Variants in GALNT13 observed in about 807,000 individuals in gnomAD.
GALNT13 encodes the protein polypeptide N-acetylgalactosaminyltransferase 13, also known as UDP-GalNAc:polypeptide N-acetylgalactosaminyltransferase 13.
In GALNT13, 28 loss-of-function variants were observed where a neutral mutation model predicts 64.2. The ratio of observed to expected loss-of-function variants is 0.44; its 90% CI spans 0.32 to 0.60. GALNT13 has a LOEUF of 0.60. GALNT13 is among the 20% of genes least tolerant of loss of function. The probability of loss-of-function intolerance (pLI) is 0.05; values close to 1 mark genes in which losing one functional copy is unlikely to be tolerated. For missense variants in GALNT13, 577 were observed against 669.8 expected (o/e 0.86, Z 1.53); for synonymous variants, 214 against 224.6 (o/e 0.95, Z 0.42).
At chr2:153,221,005 G>A in the GALNT13 span, among the ~76,000 whole-genome samples, 1 of 152,246 alleles carries the variant, frequency 6.6e-6, no homozygotes, top group South Asian at 2.1e-4. Flanking sequence ...TCAAGAGGAA[G>A]GAGAGGAGCA....
the GALNT13 span, among the ~76,000 whole-genome samples, chr2:153,787,951 A>C: frequency 1.3e-5 from 2 of 152,218 alleles, no homozygotes; most frequent in African/African-American, 4.8e-5. Context: ...AAAGAAGCCA[A>C]ATCTACAAAT....
intron 9 of GALNT13, among the ~76,000 whole-genome samples, chr2:154,314,719 T>G (rs1173437486): frequency 6.6e-6 from 1 of 152,134 alleles, no homozygotes; most frequent in Non-Finnish European, 1.5e-5. Flanking sequence ...GGAAACTAAT[T>G]GAGTGAGAAC....
At chr2:153,364,871 T>C in the GALNT13 span, among the ~76,000 whole-genome samples, 8 of 151,952 alleles carry the variant, frequency 5.3e-5, no homozygotes, top group African/African-American at 1.9e-4. Flanking sequence ...TCTTGAAATG[T>C]CACATAATTA....
chr2:153,800,860 T>A, the GALNT13 span, among the ~76,000 whole-genome samples: 1 of 152,182 alleles, frequency 6.6e-6, no homozygotes, highest in Admixed American at 6.6e-5. Context: ...ACAAAGCTAT[T>A]ACTTCCACAT....
the GALNT13 span, among the ~76,000 whole-genome samples, chr2:153,537,058 C>T: frequency 6.6e-6 from 1 of 152,108 alleles, no homozygotes; most frequent in Non-Finnish European, 1.5e-5. Flanking sequence ...GATTAGTAGG[C>T]TTTAGTAGAC....
chr2:154,295,976 C>T (rs892223278), intron 8 of GALNT13, among the ~76,000 whole-genome samples: 3 of 152,174 alleles, frequency 2.0e-5, no homozygotes, highest in African/African-American at 7.2e-5. Context: ...TAAAACTGTG[C>T]TCAGCTTCAG....
intron 3 of GALNT13, among the ~76,000 whole-genome samples, chr2:153,979,416 C>G (rs1246540841): frequency 6.6e-6 from 1 of 152,088 alleles, no homozygotes; most frequent in African/African-American, 2.4e-5. Context: ...ACTAAATATC[C>G]AGGAATGAAT....
At chr2:154,308,096 A>G (rs1185118684) in intron 9 of GALNT13, among the ~76,000 whole-genome samples, 1 of 152,250 alleles carries the variant, frequency 6.6e-6, no homozygotes, top group Non-Finnish European at 1.5e-5. Flanking sequence ...GAGCAGAAAC[A>G]TATTAAAATT....
At chr2:154,420,504 C>T (rs1574273874) in intron 11 of GALNT13, among the ~76,000 whole-genome samples, 1 of 152,166 alleles carries the variant, frequency 6.6e-6, no homozygotes, top group East Asian at 1.9e-4. Context: ...AGGCTATAAC[C>T]TTACTCATTA....
At chr2:153,451,365 A>T in the GALNT13 span, among the ~76,000 whole-genome samples, 3 of 152,170 alleles carry the variant, frequency 2.0e-5, no homozygotes, top group Admixed American at 1.3e-4. Flanking sequence ...GCTTAAGTCT[A>T]TTATAATTTG....
At chr2:153,629,710 A>C in the GALNT13 span, among the ~76,000 whole-genome samples, 1 of 151,750 alleles carries the variant, frequency 6.6e-6, no homozygotes, top group Admixed American at 6.6e-5. Context: ...GTGAACAGAC[A>C]ACCTACAGAA....
the GALNT13 span, among the ~76,000 whole-genome samples, chr2:153,489,025 A>T: frequency 6.6e-6 from 1 of 152,338 alleles, no homozygotes; most frequent in South Asian, 2.1e-4. Flanking sequence ...GAGAGGCAGA[A>T]AGTCAAATAC....
At chr2:154,258,613 G>A (rs1233840960) in intron 7 of GALNT13, among the ~76,000 whole-genome samples, 1 of 151,664 alleles carries the variant, frequency 6.6e-6, no homozygotes, top group South Asian at 2.1e-4. Flanking sequence ...CATGTCCACA[G>A]ATTTCTAGAG....
chr2:153,856,295 A>T, the GALNT13 span, among the ~76,000 whole-genome samples: 1 of 152,166 alleles, frequency 6.6e-6, no homozygotes, highest in Non-Finnish European at 1.5e-5. Flanking sequence ...GCAGGTAAAT[A>T]GATAGATAGT....
chr2:153,700,158 G>T, the GALNT13 span, among the ~76,000 whole-genome samples: 1 of 152,126 alleles, frequency 6.6e-6, no homozygotes, highest in Non-Finnish European at 1.5e-5. Context: ...CACCAAGTTG[G>T]CTTCATCCCT....
At chr2:153,658,887 A>G in the GALNT13 span, among the ~76,000 whole-genome samples, 2 of 152,078 alleles carry the variant, frequency 1.3e-5, no homozygotes, top group Non-Finnish European at 2.9e-5. Context: ...TGCAAGAAAA[A>G]CACATCTGTT....
the GALNT13 span, among the ~76,000 whole-genome samples, chr2:153,253,300 AT>A: frequency 6.8e-6 from 1 of 146,130 alleles, no homozygotes; most frequent in African/African-American, 2.6e-5. Context: ...AATGCTTGTG[AT>A]TTTTGTACAT....
chr2:153,614,767 G>C, the GALNT13 span, among the ~76,000 whole-genome samples: 9 of 151,942 alleles, frequency 5.9e-5, no homozygotes, highest in Admixed American at 6.6e-5. Flanking sequence ...GTACATAGTA[G>C]ATATATATTT....
the GALNT13 span, chr2:153,357,267 C>T: frequency 6.6e-6 from 1 of 152,074 alleles, no homozygotes; most frequent in African/African-American, 2.4e-5. Flanking sequence ...ATTGGGAACA[C>T]ATTTAATGAA....
Sources: gnomAD v4.1 joint callset for allele counts (sites outside exome capture counted in the v4.1 genomes callset) on GRCh38, gnomAD v4.1.1 for gene constraint, MANE v1.5 for transcripts, NCBI Gene and HGNC (gene_info 2026-07-23, HGNC 2026-07-21) for gene names.